CUL1: variants seen among roughly 807,000 people sequenced by gnomAD.
The protein encoded by CUL1 is cullin-1.
CUL1 carries 24 observed loss-of-function variants against 118.0 expected under a neutral mutation model. The observed-to-expected ratio is 0.20, with a 90% CI of 0.15 to 0.29. CUL1 has a LOEUF of 0.29. Among genes scored for constraint, CUL1 ranks in the 10% least tolerant of loss-of-function variants. The pLI is 1.00. For missense variants in CUL1, 361 were observed against 933.8 expected (o/e 0.39, Z 7.99); for synonymous variants, 332 against 340.4 (o/e 0.98, Z 0.27).
chr7:148,797,395 C>CAAAA (rs5888340), intron 17 of CUL1, among the ~76,000 whole-genome samples: 149 of 120,450 alleles, frequency 1.2e-3, no homozygotes, highest in African/African-American at 2.5e-3. Context: ...ACATGATGCT[C>CAAAA]AAAAAAAAAA....
intron 19 of CUL1, among the ~76,000 whole-genome samples, chr7:148,798,272 G>A (rs1287927975): frequency 6.6e-6 from 1 of 152,108 alleles, no homozygotes; most frequent in Non-Finnish European, 1.5e-5. Flanking sequence ...AGAAAGTTTG[G>A]ACCTTTGTGT....
At chr7:148,784,359 C>G (rs1341842865) in intron 11 of CUL1, among the ~76,000 whole-genome samples, 1 of 152,168 alleles carries the variant, frequency 6.6e-6, no homozygotes, top group Non-Finnish European at 1.5e-5. Context: ...CAGACAAGAT[C>G]GGGCACGTTC....
intron 17 of CUL1, among the ~76,000 whole-genome samples, chr7:148,794,528 G>C (rs968701337): frequency 1.3e-5 from 2 of 152,102 alleles, no homozygotes; most frequent in Non-Finnish European, 1.5e-5. Flanking sequence ...TTTCCCCCAA[G>C]ATTATATTGG....
intron 17 of CUL1, 136 bp from the exon 18 acceptor site, chr7:148,797,676 C>T: frequency 6.0e-6 from 4 of 661,428 alleles, no homozygotes; most frequent in Middle Eastern, 4.3e-4. Context: ...CTTTTTTTTC[C>T]TTCCAGCATA....
chr7:148,792,875 A>T, intron 17 of CUL1, 57 bp downstream of exon 17: 2 of 1,267,716 alleles, frequency 1.6e-6, no homozygotes, highest in South Asian at 2.5e-5. Flanking sequence ...GTTCTCGTGG[A>T]TATTGTTAGG....
chr7:148,785,610 C>T (rs376666641), intron 11 of CUL1, among the ~76,000 whole-genome samples: 38 of 151,556 alleles, frequency 2.5e-4, no homozygotes, highest in East Asian at 7.8e-4. Context: ...GTGATCCACC[C>T]GCCTCAGCCT....
intron 7 of CUL1, among the ~76,000 whole-genome samples, chr7:148,765,570 G>A (rs1172146656): frequency 6.6e-6 from 1 of 152,184 alleles, no homozygotes; most frequent in Non-Finnish European, 1.5e-5. Context: ...GTTTGAGGCT[G>A]CAGTGAGCTA....
chr7:148,759,313 G>T lies in CUL1; in HGVS notation c.493G>T (p.Val165Leu). Reference sequence around the variant, plus strand: ...ACTTTTTTTTCTCCAGCTTGCATTGGTGACTTGGAGAGACTGTCTGTTCAG... The same window carrying T: ...ACTTTTTTTTCTCCAGCTTGCATTGTTGACTTGGAGAGACTGTCTGTTCAG... Reference protein sequence around the residue: ...GIYEIYSLALVTWRDCLFRPL... With the variant: ...GIYEIYSLALLTWRDCLFRPL... Residue 165 changes from valine (V) to leucine (L), a missense_variant, in exon 5 of 22, where the codon GTG (valine) becomes TTG (leucine). By Grantham distance (32) the Val-to-Leu change is conservative (BLOSUM62 1). Around this residue, in one of 7 missense-constraint regions of CUL1, gnomAD observed 169 missense variants for 429.7 expected, o/e 0.39. Transcript: ENST00000325222. 6.2e-7 allele frequency: 1 copy of T among 1,613,864 alleles called. No individual in the cohort carries two copies. Among genetic ancestry groups the T allele is most frequent in the Non-Finnish European group, 8.5e-7 (1 of 1,179,872 alleles).
At chr7:148,720,502 A>G (rs1257470820) in intron 1 of CUL1, among the ~76,000 whole-genome samples, 1 of 152,056 alleles carries the variant, frequency 6.6e-6, no homozygotes, top group South Asian at 2.1e-4. Flanking sequence ...GCTAAGCATG[A>G]CCCTCAGTTG....
Position 148,786,553 on chromosome 7 carries a change from C to T in CUL1, c.1301C>T (p.Ser434Phe). 1 of 1,613,286 alleles carries T rather than the reference C, an allele frequency of 6.2e-7. No individual in the cohort carries two copies. Among genetic ancestry groups the T allele is most frequent in the Non-Finnish European group, 8.5e-7 (1 of 1,179,514 alleles). Reference protein sequence around the residue: ...RYCDSLLKKSSKNPEEAELED... With the variant: ...RYCDSLLKKSFKNPEEAELED... The stretch of plus-strand genomic sequence containing the variant: ...TGGTATCTTTTTAAAATTTTCAGTT[C>T]CAAGAACCCAGAGGAGGCAGAACTA... The change falls in exon 12 of 22, where the codon TCC becomes TTC. Residue 434 changes from serine to phenylalanine, a missense_variant and splice_region_variant. Physicochemically the swap from Ser to Phe is radical, Grantham distance 155. Transcript: ENST00000325222.
intron 2 of CUL1, among the ~76,000 whole-genome samples, chr7:148,744,039 AATTTGT>A (rs1799230122): frequency 6.6e-6 from 1 of 152,176 alleles, no homozygotes; most frequent in Non-Finnish European, 1.5e-5. Flanking sequence ...CCCTGGTAGT[AATTTGT>A]TGCCTGATAG....
chr7:148,732,387 A>G (rs1382936085), intron 2 of CUL1, among the ~76,000 whole-genome samples: 2 of 142,076 alleles, frequency 1.4e-5, no homozygotes, highest in African/African-American at 5.3e-5. Flanking sequence ...TCTGCCACCC[A>G]GGCTAAGTGC....
intron 2 of CUL1, among the ~76,000 whole-genome samples, chr7:148,730,807 T>C (rs577840334): frequency 2.0e-5 from 3 of 152,284 alleles, no homozygotes; most frequent in South Asian, 4.1e-4. Flanking sequence ...TTTCCTGTTA[T>C]GGCCCTATTT....
At chr7:148,697,866 GAC>G (rs1378659739), upstream of CUL1, 1 of 152,200 alleles carries the variant, frequency 6.6e-6, no homozygotes, top group Non-Finnish European at 1.5e-5. Flanking sequence ...AGTCAATTAT[GAC>G]AGTTAATTTC....
rs569577170 is a variant in CUL1 at position 148,762,409 on chromosome 7, C to T, written c.789+1913C>T. On this transcript the variant is annotated intron_variant, in intron 7 of 21. Transcript: ENST00000325222. ...AAAATCTAACAAAAATGGAACTATT[C>T]GGGGTATTATACTTGGAATATTAAT... Among the ~76,000 whole-genome samples the T allele has an allele frequency of 7.2e-5, 11 of 152,234 alleles. No individual in the cohort carries two copies. In the East Asian group the frequency reaches 1.4e-3, roughly 19 times the overall value.
At chr7:148,747,276 C>T (rs1799336246) in intron 2 of CUL1, among the ~76,000 whole-genome samples, 1 of 152,134 alleles carries the variant, frequency 6.6e-6, no homozygotes, top group African/African-American at 2.4e-5. Flanking sequence ...TCAGGCTGAA[C>T]TAAATAACCT....
At chr7:148,795,720 T>C (rs1394777026) in intron 17 of CUL1, among the ~76,000 whole-genome samples, 2 of 147,922 alleles carry the variant, frequency 1.4e-5, no homozygotes, top group African/African-American at 5.0e-5. Context: ...CAGTGAGCCC[T>C]GATTGCGCCA....
chr7:148,699,503 C>T (rs989671004), intron 1 of CUL1, among the ~76,000 whole-genome samples: 1 of 152,146 alleles, frequency 6.6e-6, no homozygotes, highest in Non-Finnish European at 1.5e-5. Flanking sequence ...CACGCTTCTT[C>T]CCGGCGCTGC....
intron 1 of CUL1, among the ~76,000 whole-genome samples, chr7:148,702,433 C>T (rs886593985): frequency 1.3e-5 from 2 of 152,116 alleles, no homozygotes; most frequent in African/African-American, 4.8e-5. Context: ...TTTCCTTAGG[C>T]CCCGAAAGTA....
Sources: gnomAD v4.1 joint callset for allele counts (sites outside exome capture counted in the v4.1 genomes callset) on GRCh38, gnomAD v4.1.1 for gene constraint, gnomAD v4.1.1 regional missense constraint, MANE v1.5 for transcripts, NCBI Gene and HGNC (gene_info 2026-07-23, HGNC 2026-07-21) for gene names.